LTBP1: variants seen among roughly 807,000 people sequenced by gnomAD.
LTBP1 encodes the protein latent-transforming growth factor beta-binding protein 1.
LTBP1 carries 129 observed loss-of-function variants against 207.6 expected under a neutral mutation model. That is an observed-to-expected ratio of 0.62 (90% CI 0.54 to 0.72). The LOEUF is 0.72. Among genes scored for constraint, LTBP1 ranks in the 30% least tolerant of loss-of-function variants. The pLI is 0.00. For missense variants in LTBP1, 2,281 were observed against 2,217.2 expected, an observed-to-expected ratio of 1.03 and a Z score of -0.58; for synonymous variants, 963 against 833.7, an observed-to-expected ratio of 1.16 and a Z score of -2.67.
In LTBP1 at chr2:33,110,700, G is replaced by A; in HGVS notation, c.982G>A (p.Gly328Ser). The A allele has an allele frequency of 2.5e-6, 4 of 1,614,186 alleles. No individual in the cohort carries two copies. Among genetic ancestry groups the A allele is most frequent in the Non-Finnish European group, 3.4e-6 (4 of 1,180,022 alleles). ...KGISGEQSTE[G>S]SFPLRYVQDQ... ...GATTTCAGGAGAGCAGTCCACTGAA[G>A]GTTCTTTCCCTTTAAGATATGTGCA... Residue 328 changes from glycine to serine, a missense_variant, in exon 4 of 34, where the codon GGT becomes AGT. By Grantham distance (56) the Gly-to-Ser change is moderately conservative (BLOSUM62 0). This residue lies in a region of LTBP1 where 555 missense variants were observed against 491.0 expected (regional missense o/e 1.13). Coordinates refer to ENST00000404816, the MANE Select transcript of LTBP1 (RefSeq NM_206943.4).
At chr2:33,269,965 CT>C (rs35142617) in intron 15 of LTBP1, among the ~76,000 whole-genome samples, 60,698 of 129,594 alleles carry the variant, frequency 0.47, 12,666 homozygotes, top group East Asian at 0.82. Context: ...TGATATTCAA[CT>C]TTTTTTTTTT....
In LTBP1 at chr2:33,275,811, A is replaced by G. The variant is rs951340624; in HGVS notation, c.2880A>G (p.Glu960=). 1.9e-6 allele frequency: 3 copies of G among 1,614,064 alleles called. No individual in the cohort carries two copies. The highest frequency in any genetic ancestry group is 2.7e-5 in the African/African-American group (2 of 74,952). The change falls in exon 18 of 34, where the codon GAA becomes GAG. Residue 960 remains glutamate (E), a synonymous_variant. Transcript: ENST00000404816. ...EEGTNCIDVD[E]CLRPDVCGEG... ...ATCTGCTCTTCGTAGATGTTGACGA[A>G]TGCCTGAGGCCGGACGTCTGTGGGG...
intron 3 of LTBP1, chr2:33,063,075 T>C (rs1407946433): frequency 6.6e-6 from 1 of 152,258 alleles, no homozygotes; most frequent in Non-Finnish European, 1.5e-5. Context: ...TGTCCCACAC[T>C]GTCTTGAGTA....
intron 26 of LTBP1, among the ~76,000 whole-genome samples, chr2:33,348,554 C>T (rs1173059354): frequency 1.3e-5 from 2 of 151,776 alleles, no homozygotes; most frequent in Admixed American, 6.6e-5. Context: ...AAAAACAAAC[C>T]AAAAAACAAA....
intron 15 of LTBP1, among the ~76,000 whole-genome samples, chr2:33,270,561 G>T (rs1416330945): frequency 7.5e-6 from 1 of 133,070 alleles, no homozygotes; most frequent in Admixed American, 8.8e-5. Flanking sequence ...CTGCACTCCA[G>T]CCTGGGTGAC....
intron 3 of LTBP1, among the ~76,000 whole-genome samples, chr2:33,095,511 A>G (rs575610654): frequency 6.6e-6 from 1 of 152,132 alleles, no homozygotes; most frequent in South Asian, 2.1e-4. Context: ...TTAGAGTAAG[A>G]TAGAGAGTCT....
At chr2:33,240,981 G>A (rs2092301804) in intron 9 of LTBP1, among the ~76,000 whole-genome samples, 1 of 152,092 alleles carries the variant, frequency 6.6e-6, no homozygotes, top group Non-Finnish European at 1.5e-5. Context: ...CTGGGTGGTG[G>A]TTACACCACA....
intron 7 of LTBP1, among the ~76,000 whole-genome samples, chr2:33,200,074 C>G (rs867393059): frequency 1.1e-4 from 17 of 152,194 alleles, no homozygotes; most frequent in African/African-American, 3.9e-4. Flanking sequence ...AGATTCAATG[C>G]CATCCCCATC....
intron 16 of LTBP1, 32 bp downstream of exon 16, chr2:33,273,813 A>C: frequency 1.3e-6 from 2 of 1,558,378 alleles, no homozygotes; most frequent in South Asian, 2.4e-5. Flanking sequence ...TAAATTATTA[A>C]ATATCAAACA....
chr2:33,088,580 C>T (rs1219458416), intron 3 of LTBP1, among the ~76,000 whole-genome samples: 1 of 152,146 alleles, frequency 6.6e-6, no homozygotes, highest in Non-Finnish European at 1.5e-5. Context: ...GAAATGTATC[C>T]CTAGACTGTA....
At chr2:33,101,831 C>T (rs1280205715) in intron 3 of LTBP1, among the ~76,000 whole-genome samples, 1 of 152,172 alleles carries the variant, frequency 6.6e-6, no homozygotes, top group African/African-American at 2.4e-5. Flanking sequence ...TAGTTATTAA[C>T]AATATCTCTT....
intron 10 of LTBP1, among the ~76,000 whole-genome samples, chr2:33,244,790 A>G (rs1016054591): frequency 2.0e-5 from 3 of 152,226 alleles, no homozygotes; most frequent in African/African-American, 7.2e-5. Flanking sequence ...AAATGGCTGC[A>G]TGGCAGAAAA....
intron 9 of LTBP1, among the ~76,000 whole-genome samples, chr2:33,232,964 A>G (rs1481570531): frequency 2.0e-5 from 3 of 152,054 alleles, no homozygotes; most frequent in Non-Finnish European, 4.4e-5. Context: ...TTTGTAGATA[A>G]TGTGTTTCTC....
intron 31 of LTBP1, among the ~76,000 whole-genome samples, chr2:33,378,181 ATATATGTGTGTG>A (rs2095165921): frequency 8.6e-6 from 1 of 115,924 alleles, no homozygotes. Context: ...TCATATATAT[ATATATGTGTGTG>A]TGTGTGTGTG....
At chr2:33,001,070 G>A (rs917614943) in intron 2 of LTBP1, among the ~76,000 whole-genome samples, 2 of 134,546 alleles carry the variant, frequency 1.5e-5, no homozygotes, top group Non-Finnish European at 3.3e-5. Flanking sequence ...TTCCTGACAC[G>A]CTGACCTTTA....
chr2:33,389,608 A>T (rs1156424437), intron 32 of LTBP1, among the ~76,000 whole-genome samples: 3 of 152,136 alleles, frequency 2.0e-5, no homozygotes, highest in African/African-American at 7.2e-5. Flanking sequence ...GCATTTGATG[A>T]ATAGTCTTGC....
At chr2:33,232,863 G>T (rs1025864868) in intron 9 of LTBP1, among the ~76,000 whole-genome samples, 2 of 152,096 alleles carry the variant, frequency 1.3e-5, no homozygotes, top group Admixed American at 1.3e-4. Flanking sequence ...GACTACTCGT[G>T]TGTACAATTC....
Position 33,105,777 on chromosome 2 carries a change from G to C in LTBP1, c.864-4805G>C, listed in dbSNP as rs151090279. Among the ~76,000 whole-genome samples, 1,209 of 152,228 alleles carry C rather than the reference G, an allele frequency of 7.9e-3. 11 individuals carry two copies. Among genetic ancestry groups the C allele is most frequent in the Middle Eastern group, 0.01 (3 of 294 alleles). On this transcript the variant is annotated intron_variant, in intron 3 of 33. Coordinates refer to ENST00000404816, the MANE Select transcript of LTBP1 (RefSeq NM_206943.4). Reference sequence around the variant, plus strand: ...TTGCCTTGATGTTGGTGTCTGCTGAGTGATCAAGGTGGTGGGTGCTGAAGG... The same window carrying C: ...TTGCCTTGATGTTGGTGTCTGCTGACTGATCAAGGTGGTGGGTGCTGAAGG...
intron 10 of LTBP1, among the ~76,000 whole-genome samples, chr2:33,249,179 T>C (rs751887885): frequency 1.3e-5 from 2 of 152,228 alleles, no homozygotes; most frequent in African/African-American, 2.4e-5. Flanking sequence ...TTCAACTTCT[T>C]CTAAGTACCA....
Sources: gnomAD v4.1 joint callset for allele counts (sites outside exome capture counted in the v4.1 genomes callset) on GRCh38, gnomAD v4.1.1 for gene constraint, gnomAD v4.1.1 regional missense constraint, MANE v1.5 for transcripts, NCBI Gene and HGNC (gene_info 2026-07-23, HGNC 2026-07-21) for gene names.